CYRIA: variants seen among roughly 807,000 people sequenced by gnomAD.
The protein encoded by CYRIA is CYFIP related Rac1 interactor A, also known as CYFIP-related Rac1 interactor A.
In CYRIA, 15 loss-of-function variants were observed where a neutral mutation model predicts 43.9. The ratio of observed to expected loss-of-function variants is 0.34; its 90% CI spans 0.23 to 0.53. The LOEUF (loss-of-function observed/expected upper bound fraction) is 0.53, where lower values mean the gene tolerates loss of function less well. Among genes scored for constraint, CYRIA ranks in the 20% least tolerant of loss-of-function variants. CYRIA has a pLI of 0.94. For missense variants in CYRIA, 236 were observed against 394.2 expected, an observed-to-expected ratio of 0.60 and a Z score of 3.40; for synonymous variants, 117 against 136.0, an observed-to-expected ratio of 0.86 and a Z score of 0.97.
intron 3 of CYRIA, among the ~76,000 whole-genome samples, chr2:16,584,831 CA>C (rs1419845729): frequency 6.6e-6 from 1 of 152,154 alleles, no homozygotes; most frequent in Admixed American, 6.6e-5. Flanking sequence ...CTTTAAGGCC[CA>C]TTCCAAATGC....
rs368832100 is a variant in CYRIA, at chr2:16,565,619, G to A, written c.192+27C>T. The A allele has an allele frequency of 3.0e-5, 46 of 1,525,558 alleles. 1 individual carries two copies. The Admixed American group carries it at 6.6e-4, about 22-fold the overall frequency. 94.5% of individuals were successfully genotyped at this position (1,525,558 alleles called of 1,614,324 possible). On this transcript the variant is annotated intron_variant, in intron 4 of 11. Transcript: ENST00000381323. ...GTTTTCCTTCCCCTCCTCGGGTGTT[G>A]TCAGTTCAGCGTGATCATTGACATA...
intron 1 of CYRIA, among the ~76,000 whole-genome samples, chr2:16,664,364 A>C (rs1172955472): frequency 2.0e-5 from 3 of 152,138 alleles, no homozygotes; most frequent in Non-Finnish European, 2.9e-5. Context: ...AGAAAGGAGA[A>C]ATTAGAGCCA....
intron 1 of CYRIA, among the ~76,000 whole-genome samples, chr2:16,665,128 A>C (rs912913721): frequency 7.9e-5 from 12 of 152,180 alleles, no homozygotes; most frequent in Non-Finnish European, 1.5e-4. Context: ...CTCCACCAAA[A>C]AGCATGGCTG....
At chr2:16,648,347 G>A (rs944802897) in intron 1 of CYRIA, among the ~76,000 whole-genome samples, 4 of 148,314 alleles carry the variant, frequency 2.7e-5, no homozygotes, top group African/African-American at 7.6e-5. Context: ...AAAAAAGAAT[G>A]TAATGAATAG....
chr2:16,600,802 CAAACATCAGGT>C (rs948358575), intron 2 of CYRIA, among the ~76,000 whole-genome samples: 9 of 152,092 alleles, frequency 5.9e-5, no homozygotes, highest in Admixed American at 3.3e-4. Flanking sequence ...AACCTTACAG[CAAACATCAGGT>C]AGCTATAATT....
chr2:16,553,131 C>T (rs1666374254), intron 11 of CYRIA, 132 bp from the exon 12 acceptor site: 2 of 665,194 alleles, frequency 3.0e-6, no homozygotes, highest in South Asian at 1.7e-5. Flanking sequence ...CTTCAATGCT[C>T]ACAGTCATCT....
intron 3 of CYRIA, 73 bp from the exon 4 acceptor site, chr2:16,565,840 T>C: frequency 1.5e-6 from 2 of 1,365,286 alleles, no homozygotes; most frequent in Non-Finnish European, 2.0e-6. Flanking sequence ...GGATATTCAG[T>C]TTTACCTGCT....
intron 1 of CYRIA, among the ~76,000 whole-genome samples, chr2:16,636,854 T>C (rs1669511715): frequency 6.6e-6 from 1 of 151,994 alleles, no homozygotes; most frequent in Non-Finnish European, 1.5e-5. Context: ...CATGCGCCTG[T>C]AGTTCCAGCT....
At chr2:16,627,282 AG>A (rs1669202153) in intron 1 of CYRIA, among the ~76,000 whole-genome samples, 1 of 152,234 alleles carries the variant, frequency 6.6e-6, no homozygotes, top group Non-Finnish European at 1.5e-5. Flanking sequence ...TGGGCAATCA[AG>A]GGACCCAAAG....
intron 3 of CYRIA, among the ~76,000 whole-genome samples, chr2:16,587,127 A>G (rs1667756344): frequency 6.6e-6 from 1 of 152,160 alleles, no homozygotes; most frequent in South Asian, 2.1e-4. Context: ...TATATGTCAA[A>G]ATCCTGAAGT....
intron 2 of CYRIA, among the ~76,000 whole-genome samples, chr2:16,600,624 A>C (rs188174543): frequency 6.6e-4 from 100 of 152,320 alleles, no homozygotes; most frequent in Admixed American, 2.9e-3. Context: ...CAAATATATT[A>C]ATTGAATGTG....
intron 2 of CYRIA, among the ~76,000 whole-genome samples, chr2:16,609,748 TC>T (rs1668527497): frequency 1.3e-5 from 2 of 152,144 alleles, no homozygotes; most frequent in African/African-American, 4.8e-5. Context: ...AAGGACATCT[TC>T]CATGACTCCC....
chr2:16,590,915 G>A (rs1379325056), intron 2 of CYRIA, among the ~76,000 whole-genome samples: 4 of 152,068 alleles, frequency 2.6e-5, no homozygotes, highest in African/African-American at 9.7e-5. Context: ...GTGTCTTCTG[G>A]TTTAGGGGGA....
intron 2 of CYRIA, among the ~76,000 whole-genome samples, chr2:16,609,355 C>T (rs906441316): frequency 6.6e-6 from 1 of 152,144 alleles, no homozygotes; most frequent in Admixed American, 6.5e-5. Flanking sequence ...GCTTTTTTGT[C>T]TGAAAAGTCT....
intron 1 of CYRIA, among the ~76,000 whole-genome samples, chr2:16,649,575 T>C (rs1280132745): frequency 1.3e-5 from 2 of 151,840 alleles, no homozygotes; most frequent in Non-Finnish European, 2.9e-5. Flanking sequence ...GGCATGTTTA[T>C]ACAGTACAGT....
At chr2:16,600,463 A>G (rs981247986) in intron 2 of CYRIA, among the ~76,000 whole-genome samples, 10 of 152,218 alleles carry the variant, frequency 6.6e-5, no homozygotes, top group African/African-American at 2.4e-4. Context: ...CTCAATCCCC[A>G]GGGCACTTAC....
chr2:16,578,229 T>C (rs976687817), intron 3 of CYRIA, among the ~76,000 whole-genome samples: 3 of 152,126 alleles, frequency 2.0e-5, no homozygotes, highest in Non-Finnish European at 2.9e-5. Context: ...CAGATCCAGA[T>C]TGGATGGACT....
intron 1 of CYRIA, among the ~76,000 whole-genome samples, chr2:16,645,401 G>A (rs1308730044): frequency 2.0e-5 from 3 of 152,302 alleles, no homozygotes; most frequent in East Asian, 1.9e-4. Context: ...TAATAAAAAC[G>A]AAGCGGATAT....
At chr2:16,619,398 C>T (rs375332623) in intron 2 of CYRIA, among the ~76,000 whole-genome samples, 6 of 151,732 alleles carry the variant, frequency 4.0e-5, no homozygotes, top group African/African-American at 1.2e-4. Context: ...TATATATATA[C>T]ACACACACAT....
Sources: allele counts gnomAD v4.1 joint callset (sites outside exome capture counted in the v4.1 genomes callset), GRCh38; gene constraint gnomAD v4.1.1; transcripts MANE v1.5; gene names NCBI Gene and HGNC (gene_info 2026-07-23, HGNC 2026-07-21).